Variants in ENTREP2 observed in about 807,000 individuals in gnomAD.
The protein encoded by ENTREP2 is protein ENTREP2.
chr15:29,372,700 A>G, the ENTREP2 span, among the ~76,000 whole-genome samples: 1 of 152,228 alleles, frequency 6.6e-6, no homozygotes, highest in African/African-American at 2.4e-5. Context: ...AGAGCAAATA[A>G]TATGTGAAAA....
At chr15:29,155,301 AAAG>A in the ENTREP2 span, among the ~76,000 whole-genome samples, 2 of 142,110 alleles carry the variant, frequency 1.4e-5, no homozygotes, top group African/African-American at 2.8e-5. Flanking sequence ...AAAAAAAAAA[AAAG>A]AAGAAGCGTT....
the ENTREP2 span, among the ~76,000 whole-genome samples, chr15:29,356,286 ATATATATATATTTTTTT>A: frequency 1.9e-5 from 1 of 51,816 alleles, no homozygotes; most frequent in East Asian, 4.0e-4. Flanking sequence ...ATATATATAT[ATATATATATATTTTTTT>A]TTTTTTTTTT....
chr15:29,176,323 C>T, the ENTREP2 span, among the ~76,000 whole-genome samples: 1 of 152,074 alleles, frequency 6.6e-6, no homozygotes, highest in African/African-American at 2.4e-5. Context: ...GGGAGGAGCC[C>T]CCACCTTTCC....
At chr15:29,170,982 T>C in the ENTREP2 span, among the ~76,000 whole-genome samples, 1 of 152,180 alleles carries the variant, frequency 6.6e-6, no homozygotes, top group Non-Finnish European at 1.5e-5. Context: ...GTGGGGGTCC[T>C]CCTGTGGTGG....
chr15:29,539,874 C>G, the ENTREP2 span, among the ~76,000 whole-genome samples: 1 of 152,110 alleles, frequency 6.6e-6, no homozygotes, highest in Non-Finnish European at 1.5e-5. Context: ...AAGCCAAGCC[C>G]TGGCGAGCCC....
chr15:29,120,744 T>G, the ENTREP2 span: 97,812 of 151,856 alleles, frequency 0.64, 36,855 homozygotes, highest in Middle Eastern at 0.86. Context: ...AGATCCCAGA[T>G]GGAACATGAT....
At chr15:29,490,099 G>A in the ENTREP2 span, among the ~76,000 whole-genome samples, 5 of 152,220 alleles carry the variant, frequency 3.3e-5, no homozygotes, top group African/African-American at 7.2e-5. Flanking sequence ...CTGTATGTGC[G>A]GAATTGGTGG....
chr15:29,211,973 G>A, the ENTREP2 span, among the ~76,000 whole-genome samples: 1 of 152,120 alleles, frequency 6.6e-6, no homozygotes. Context: ...TTTGGTATTA[G>A]GGTGATGCTG....
the ENTREP2 span, among the ~76,000 whole-genome samples, chr15:29,455,943 G>A: frequency 6.6e-6 from 1 of 152,216 alleles, no homozygotes; most frequent in Admixed American, 6.5e-5. Context: ...ATCCCCAGAT[G>A]AAACTGTCCA....
At chr15:29,397,347 T>C in the ENTREP2 span, among the ~76,000 whole-genome samples, 1 of 152,164 alleles carries the variant, frequency 6.6e-6, no homozygotes, top group Non-Finnish European at 1.5e-5. Context: ...GCCGAGATTG[T>C]GCCACTGCAC....
chr15:29,277,864 T>A, the ENTREP2 span, among the ~76,000 whole-genome samples: 4 of 152,060 alleles, frequency 2.6e-5, no homozygotes, highest in African/African-American at 9.7e-5. Context: ...AGGACAGAGG[T>A]ATGTCCACAA....
chr15:29,374,987 TA>T, the ENTREP2 span: 1 of 152,210 alleles, frequency 6.6e-6, no homozygotes, highest in Admixed American at 6.5e-5. Flanking sequence ...TTAATAACTG[TA>T]ATCTTTGATT....
At chr15:29,174,381 C>A in the ENTREP2 span, among the ~76,000 whole-genome samples, 1 of 152,172 alleles carries the variant, frequency 6.6e-6, no homozygotes, top group Middle Eastern at 3.2e-3. Flanking sequence ...TGCCTTGTCC[C>A]AGGAGTCTGT....
At chr15:29,333,078 C>T in the ENTREP2 span, among the ~76,000 whole-genome samples, 32 of 151,948 alleles carry the variant, frequency 2.1e-4, no homozygotes, top group Middle Eastern at 6.8e-3. Context: ...TGGGGAGGTC[C>T]GAAAATGCCC....
At chr15:29,540,301 A>G in the ENTREP2 span, among the ~76,000 whole-genome samples, 1 of 152,174 alleles carries the variant, frequency 6.6e-6, no homozygotes, top group Non-Finnish European at 1.5e-5. Flanking sequence ...ACTGTTGTTA[A>G]CTATAGCCAC....
chr15:29,467,563 T>C, the ENTREP2 span, among the ~76,000 whole-genome samples: 1 of 152,182 alleles, frequency 6.6e-6, no homozygotes, highest in Non-Finnish European at 1.5e-5. Flanking sequence ...AAGGCTGCAG[T>C]GCTTTGTGGT....
At chr15:29,671,695 A>G in the ENTREP2 span, among the ~76,000 whole-genome samples, 2 of 152,122 alleles carry the variant, frequency 1.3e-5, no homozygotes. Context: ...CTTTATTAAG[A>G]AAAGAAACCT....
the ENTREP2 span, among the ~76,000 whole-genome samples, chr15:29,163,693 C>T: frequency 6.6e-6 from 1 of 152,084 alleles, no homozygotes; most frequent in African/African-American, 2.4e-5. Context: ...CTAAGAATAA[C>T]CAGTTTTCCC....
the ENTREP2 span, among the ~76,000 whole-genome samples, chr15:29,332,355 A>C: frequency 6.6e-6 from 1 of 152,156 alleles, no homozygotes; most frequent in East Asian, 1.9e-4. Context: ...GTTACTTTAG[A>C]CCACTGAGAC....
Sources: allele counts gnomAD v4.1 joint callset (sites outside exome capture counted in the v4.1 genomes callset), GRCh38; gene constraint gnomAD v4.1.1; transcripts MANE v1.5; gene names NCBI Gene and HGNC (gene_info 2026-07-23, HGNC 2026-07-21).